Variants in PTPRN2 observed in about 807,000 individuals in gnomAD.
PTPRN2 encodes the protein receptor-type tyrosine-protein phosphatase N2.
A neutral mutation model predicts 118.8 loss-of-function variants in PTPRN2; 74 were observed. That is an observed-to-expected ratio of 0.62 (90% confidence interval 0.52 to 0.76). The LOEUF (loss-of-function observed/expected upper bound fraction) is 0.76. Among genes scored for constraint, PTPRN2 ranks in the 30% least tolerant of loss-of-function variants. The pLI, the probability that PTPRN2 is intolerant of heterozygous loss-of-function variation, is 0.00. For missense variants in PTPRN2, 1,481 were observed against 1,394.4 expected (o/e 1.06, Z -0.99); for synonymous variants, 641 against 608.0 (o/e 1.05, Z -0.80).
At chr7:157,989,988 G>A (rs967054182) in intron 11 of PTPRN2, among the ~76,000 whole-genome samples, 1 of 152,120 alleles carries the variant, frequency 6.6e-6, no homozygotes, top group Non-Finnish European at 1.5e-5. Context: ...ATGCAGAGCT[G>A]CTTCGTGTCC....
In PTPRN2 at chr7:157,853,276, G is replaced by A. The variant is rs1353211619; in HGVS notation, c.1788+45397C>T. Among the ~76,000 whole-genome samples the A allele has an allele frequency of 5.9e-5, 9 of 152,222 alleles. No homozygotes were observed. The East Asian group carries it at 1.4e-3, about 23-fold the overall frequency. On this transcript the variant is annotated intron_variant, in intron 12 of 22. Coordinates refer to ENST00000389418, the MANE Select transcript of PTPRN2 (RefSeq NM_002847.5). ...ACGCTCACATGATGACGGCCGAGCC[G>A]GGCCTGCAACGGAAAGGCCTGTGGC...
chr7:157,867,924 G>T (rs1433796742), intron 12 of PTPRN2, among the ~76,000 whole-genome samples: 1 of 152,160 alleles, frequency 6.6e-6, no homozygotes, highest in African/African-American at 2.4e-5. Context: ...CATGCCCCCA[G>T]AGTCCACAAG....
At chr7:158,419,408 T>TTGCAAGAATTCAGTCAC (rs61708506) in intron 2 of PTPRN2, among the ~76,000 whole-genome samples, 5 of 151,440 alleles carry the variant, frequency 3.3e-5, no homozygotes, top group Non-Finnish European at 5.9e-5. Flanking sequence ...AATTCCATCA[T>TTGCAAGAATTCAGTCAC]TGCAAGAATT....
chr7:158,352,952 T>A (rs4909199), intron 2 of PTPRN2, among the ~76,000 whole-genome samples: 138,969 of 151,936 alleles, frequency 0.91, 63,904 homozygotes, highest in Non-Finnish European at 0.96. Context: ...CCAGTTACAT[T>A]CAGGCCACCC....
intron 4 of PTPRN2, among the ~76,000 whole-genome samples, chr7:158,196,989 TC>T (rs1826259900): frequency 3.9e-5 from 6 of 151,994 alleles, no homozygotes; most frequent in African/African-American, 1.5e-4. Flanking sequence ...TAGATATGAG[TC>T]AAGGAGCACC....
intron 21 of PTPRN2, among the ~76,000 whole-genome samples, chr7:157,565,867 T>C (rs1048188427): frequency 6.6e-6 from 1 of 152,188 alleles, no homozygotes; most frequent in African/African-American, 2.4e-5. Context: ...ATCGGTGAGT[T>C]AGAAACGCAT....
rs979083614 is a variant in PTPRN2 at position 158,369,324 on chromosome 7, T to C, written c.164-52392A>G. On this transcript the variant is annotated intron_variant, in intron 2 of 22. Coordinates refer to ENST00000389418, the MANE Select transcript of PTPRN2 (RefSeq NM_002847.5). ...ACCTATAAAGTTATATACATACACG[T>C]ATATGTAACTAATATGATATATATA... is the stretch of plus-strand genomic sequence containing the variant. 2.0e-5 allele frequency among the ~76,000 whole-genome samples: 3 copies of C among 151,866 alleles called. No homozygotes were observed. In the East Asian group the frequency reaches 5.8e-4, roughly 29 times the overall value.
chr7:158,292,408 AAAATT>A (rs1397399461), intron 3 of PTPRN2, among the ~76,000 whole-genome samples: 7 of 152,382 alleles, frequency 4.6e-5, no homozygotes, highest in African/African-American at 1.7e-4. Context: ...CTCATACTTT[AAAATT>A]AAAAGGTAAA....
chr7:157,672,894 G>A (rs1184073005), intron 13 of PTPRN2, among the ~76,000 whole-genome samples: 1 of 152,196 alleles, frequency 6.6e-6, no homozygotes, highest in Non-Finnish European at 1.5e-5. Flanking sequence ...TGTTCTTCAA[G>A]TCACTGTACC....
intron 2 of PTPRN2, among the ~76,000 whole-genome samples, chr7:158,437,418 T>G (rs1586670178): frequency 6.6e-6 from 1 of 152,364 alleles, no homozygotes; most frequent in Non-Finnish European, 1.5e-5. Flanking sequence ...ACTGTTGTCA[T>G]CTGTTTTTGT....
intron 2 of PTPRN2, among the ~76,000 whole-genome samples, chr7:158,387,566 C>T (rs1563230278): frequency 6.6e-6 from 1 of 152,298 alleles, no homozygotes; most frequent in African/African-American, 2.4e-5. Flanking sequence ...CTGCGGCATC[C>T]CTGTCAGCTC....
At chr7:157,670,634 G>A (rs143765323) in intron 13 of PTPRN2, among the ~76,000 whole-genome samples, 79 of 152,282 alleles carry the variant, frequency 5.2e-4, no homozygotes, top group African/African-American at 1.8e-3. Flanking sequence ...CAGCCAGACT[G>A]CCGTTGGTGA....
intron 11 of PTPRN2, among the ~76,000 whole-genome samples, chr7:158,067,746 C>G (rs2128912304): frequency 6.6e-6 from 1 of 152,256 alleles, no homozygotes; most frequent in South Asian, 2.1e-4. Flanking sequence ...TCCCACCAGG[C>G]TTCCTTCCCA....
At chr7:158,159,816 G>A (rs753976299) in intron 6 of PTPRN2, among the ~76,000 whole-genome samples, 10 of 152,188 alleles carry the variant, frequency 6.6e-5, no homozygotes, top group Non-Finnish European at 1.5e-4. Flanking sequence ...ATGAAAGAAA[G>A]CAAAAGTAAA....
chr7:157,760,295 C>T (rs192691043), intron 12 of PTPRN2, among the ~76,000 whole-genome samples: 57 of 152,030 alleles, frequency 3.7e-4, no homozygotes, highest in African/African-American at 1.3e-3. Flanking sequence ...GAGTGTGACC[C>T]AGGATGGGAC....
At chr7:158,107,093 C>G (rs115139031) in intron 10 of PTPRN2, among the ~76,000 whole-genome samples, 2,054 of 152,216 alleles carry the variant, frequency 0.013, 52 homozygotes, top group African/African-American at 0.047. Context: ...TGTCTCTGTT[C>G]TCACATACAC....
At chr7:157,873,183 G>A (rs533825622) in intron 12 of PTPRN2, among the ~76,000 whole-genome samples, 8 of 152,306 alleles carry the variant, frequency 5.3e-5, no homozygotes, top group Admixed American at 2.0e-4. Flanking sequence ...CTGCTTCCTC[G>A]CTGCTTGTGG....
At chr7:158,480,766 A>G (rs1008457713) in intron 2 of PTPRN2, among the ~76,000 whole-genome samples, 1 of 152,266 alleles carries the variant, frequency 6.6e-6, no homozygotes, top group Non-Finnish European at 1.5e-5. Context: ...CCCTTAAGCC[A>G]GAGCCTAATC....
intron 2 of PTPRN2, among the ~76,000 whole-genome samples, chr7:158,440,846 CGGGGGTGGTGGT>C (rs1816976696): frequency 3.9e-5 from 1 of 25,628 alleles, no homozygotes; most frequent in Non-Finnish European, 8.1e-5. Context: ...ATGGCAGTGA[CGGGGGTGGTGGT>C]GGGGGCAGTG....
Sources: allele counts gnomAD v4.1 joint callset (sites outside exome capture counted in the v4.1 genomes callset), GRCh38; gene constraint gnomAD v4.1.1; transcripts MANE v1.5; gene names NCBI Gene and HGNC (gene_info 2026-07-23, HGNC 2026-07-21).